The following LIME1 variants were observed in gnomAD, a reference collection of about 807,000 sequenced individuals.
The protein encoded by LIME1 is lck-interacting transmembrane adapter 1.
A neutral mutation model predicts 18.8 loss-of-function variants in LIME1; 23 were observed. The ratio of observed to expected loss-of-function variants is 1.22; its 90% CI spans 0.88 to 1.73. The LOEUF is 1.73. LIME1 is among the 40% of genes most tolerant of loss of function. LIME1 has a pLI of 0.00. For missense variants in LIME1, 423 were observed against 396.8 expected, an observed-to-expected ratio of 1.07 and a Z score of -0.56; for synonymous variants, 177 against 182.3, an observed-to-expected ratio of 0.97 and a Z score of 0.23.
Position 63,738,020 on chromosome 20 carries a change from C to T in LIME1, c.228C>T (p.Thr76=). 1 of 1,566,056 alleles carries T rather than the reference C, an allele frequency of 6.4e-7. No individual in the cohort carries two copies. Among genetic ancestry groups the T allele is most frequent in the Non-Finnish European group, 8.6e-7 (1 of 1,160,268 alleles). Residue 76 remains threonine (T), a synonymous_variant, in exon 4 of 6, where the codon ACC becomes ACT. Transcript: ENST00000309546. ...TCTGCTCCCTCAGCAAGTCGGACACCAGACTGCACGAGCTGCACCGGGGCC... is the reference window on the plus strand; with the variant it reads ...TCTGCTCCCTCAGCAAGTCGGACACTAGACTGCACGAGCTGCACCGGGGCC... The part of the protein sequence containing the change: ...THLCSLSKSD[T]RLHELHRGPR...
At position 63,738,612 on chromosome 20, in the gene LIME1, C is replaced by T; in HGVS notation, c.600C>T (p.Tyr200=). 1 of 1,571,286 alleles carries T rather than the reference C, an allele frequency of 6.4e-7. No individual in the cohort carries two copies. The highest frequency in any genetic ancestry group is 8.6e-7 in the Non-Finnish European group (1 of 1,158,928). Residue 200 remains tyrosine (Y), a synonymous_variant, in exon 6 of 6, where the codon TAC becomes TAT. Coordinates refer to ENST00000309546, the MANE Select transcript of LIME1 (RefSeq NM_017806.4). ...VTPAAQVDVL[Y]SRVCKPKRRD... ...CCTGTCTCCAGGTGGACGTCCTGTA[C>T]TCCAGGGTCTGCAAGCCTAAAAGGA...
Position 63,738,519 on chromosome 20 carries a change from G to C in LIME1, c.585+20G>C. 1 of 1,509,578 alleles carries C rather than the reference G, an allele frequency of 6.6e-7. No homozygotes were observed. The highest frequency in any genetic ancestry group is 1.4e-5 in the African/African-American group (1 of 71,988). 93.5% of individuals were successfully genotyped at this position (1,509,578 alleles called of 1,614,324 possible). On this transcript the variant is annotated intron_variant, in intron 5 of 5. Coordinates refer to ENST00000309546, the MANE Select transcript of LIME1 (RefSeq NM_017806.4). ...GCTCAGGTAACGTGGGCCAGGGTAG[G>C]GCGCTGTGGGTGGGGCCGGCAGATC... is the stretch of plus-strand genomic sequence containing the variant.
chr20:63,735,799 C>T, upstream of LIME1: 1 of 1,608,982 alleles, frequency 6.2e-7, no homozygotes, highest in Non-Finnish European at 8.5e-7. Context: ...TGGCGTCAGC[C>T]CAGCTGCAGG....
intron 2 of LIME1, 32 bp downstream of exon 2, chr20:63,737,679 C>T (rs2092006811): frequency 1.3e-6 from 2 of 1,515,546 alleles, no homozygotes; most frequent in Non-Finnish European, 1.8e-6. Flanking sequence ...TGTCTGGGGC[C>T]TCGCTGCGGC....
At chr20:63,737,435 G>A (rs1032201003) in intron 1 of LIME1, 98 bp from the exon 2 acceptor site, 8 of 1,381,962 alleles carry the variant, frequency 5.8e-6, no homozygotes, top group Non-Finnish European at 7.5e-6. Context: ...AACGGGAGAC[G>A]CAGGAGCCCC....
intron 1 of LIME1, 177 bp from the exon 2 acceptor site, chr20:63,737,356 A>G: frequency 7.6e-7 from 1 of 1,320,988 alleles, no homozygotes; most frequent in Non-Finnish European, 9.6e-7. Context: ...AGCCCCCGCC[A>G]GAAGGTGGGC....
upstream of LIME1, chr20:63,735,909 C>T (rs2091985734): frequency 6.2e-7 from 1 of 1,612,258 alleles, no homozygotes; most frequent in African/African-American, 1.3e-5. Flanking sequence ...AAGAAGATGA[C>T]TGAGTTCTAG....
At chr20:63,736,025 A>G (rs2427535), upstream of LIME1, 1,382,390 of 1,491,342 alleles carry the variant, frequency 0.93, 641,039 homozygotes, top group East Asian at 0.99. Flanking sequence ...TGGGGCGTGC[A>G]GACACTGCTG....
chr20:63,738,984 A>G lies in LIME1; in HGVS notation c.*84A>G. On this transcript the variant is annotated 3_prime_UTR_variant, in exon 6 of 6. Coordinates refer to ENST00000309546, the MANE Select transcript of LIME1 (RefSeq NM_017806.4). ...CCTCACAGCTGACAGCGCCAGTCCC[A>G]GGTCCCCGGGCTGCCAGCCCGTGAG... 1 of 1,319,300 alleles carries G rather than the reference A, an allele frequency of 7.6e-7. No homozygotes were observed. Among genetic ancestry groups the G allele is most frequent in the Non-Finnish European group, 1.0e-6 (1 of 984,836 alleles). 81.7% of individuals were successfully genotyped at this position (1,319,300 alleles called of 1,614,324 possible).
At chr20:63,736,900 A>C (rs1288391496) in intron 1 of LIME1, 188 bp downstream of exon 1, 1 of 985,536 alleles carries the variant, frequency 1.0e-6, no homozygotes, top group Admixed American at 6.2e-5. Context: ...GGCATCCCCC[A>C]CCCCGAGAAG....
Position 63,737,819 on chromosome 20 carries a change from A to AG in LIME1, c.99dup, listed in dbSNP as rs779444037. 6.0e-6 allele frequency: 8 copies of AG among 1,343,020 alleles called. No homozygotes were observed. The South Asian group carries it at 9.2e-5, about 16-fold the overall frequency. 83.2% of individuals were successfully genotyped at this position (1,343,020 alleles called of 1,614,324 possible). A position where few individuals can be genotyped will look rare whatever the true frequency, so the allele number is the denominator to read the frequency against. On this transcript the variant is annotated splice_acceptor_variant, in intron 2 of 5. Transcript: ENST00000309546. LOFTEE classifies it high-confidence loss of function. Reference sequence around the variant, plus strand: ...CCCCCGCCCCCCACCTCTACCCCCAAGGCCCGAGGACGCTGTAGCCCCCAG... The same window carrying AG: ...CCCCCGCCCCCCACCTCTACCCCCAAGGGCCCGAGGACGCTGTAGCCCCCAG...
Position 63,737,956 on chromosome 20 carries a change from G to T in LIME1, c.181-17G>T. On this transcript the variant is annotated splice_polypyrimidine_tract_variant and intron_variant, in intron 3 of 5. Transcript: ENST00000309546. ...GGTGGGGTCCGCAGGGCACCGACCA[G>T]CCTTCCTCGCCCCCAGTCCCTACTG... The T allele has an allele frequency of 6.4e-7, 1 of 1,569,492 alleles. No individual in the cohort carries two copies. The highest frequency in any genetic ancestry group is 1.2e-5 in the South Asian group (1 of 86,512).
intron 5 of LIME1, 41 bp from the exon 6 acceptor site, chr20:63,738,557 G>C: frequency 6.6e-7 from 1 of 1,519,262 alleles, no homozygotes; most frequent in Non-Finnish European, 8.8e-7. Flanking sequence ...CAGCAGGTTG[G>C]ATGGTGCTGA....
At position 63,738,178 on chromosome 20, in the gene LIME1, C is replaced by T; in HGVS notation, c.269-5C>T. ...GAGTGAACTCTGCCCTGACCCCACC[C>T]CCAGCCCTGCGGCCTGCCAGCATGG... On this transcript the variant is annotated splice_polypyrimidine_tract_variant and splice_region_variant and intron_variant, in intron 4 of 5. Transcript: ENST00000309546. 1 of 1,562,714 alleles carries T rather than the reference C, an allele frequency of 6.4e-7. No homozygotes were observed. Among genetic ancestry groups the T allele is most frequent in the Non-Finnish European group, 8.6e-7 (1 of 1,159,360 alleles).
In LIME1 at chr20:63,738,371, C is replaced by T; in HGVS notation, c.457C>T (p.Leu153Phe). 6.4e-7 allele frequency: 1 copy of T among 1,555,986 alleles called. No individual in the cohort carries two copies. Among genetic ancestry groups the T allele is most frequent in the South Asian group, 1.2e-5 (1 of 84,878 alleles). Residue 153 changes from leucine (L) to phenylalanine (F), a missense_variant, in exon 5 of 6, where the codon CTT becomes TTT. Physicochemically the swap from Leu to Phe is conservative, Grantham distance 22 (BLOSUM62 0). Coordinates refer to ENST00000309546, the MANE Select transcript of LIME1 (RefSeq NM_017806.4). ...CTATTCCAACGTGGGGCTGGCGGCC[C>T]TTCCCGGGGTCAGCCTGGCGGCCAG... The part of the protein sequence containing the change: ...ATYSNVGLAA[L>F]PGVSLAASPV...
At position 63,738,032 on chromosome 20, in the gene LIME1, G is replaced by GCTGCACC. The variant is rs1429519617; in HGVS notation, c.241_247dup (p.Arg83ProfsTer109). 1 of 1,556,486 alleles carries GCTGCACC rather than the reference G, an allele frequency of 6.4e-7. No homozygotes were observed. On this transcript the variant is annotated frameshift_variant, in exon 4 of 6. Transcript: ENST00000309546. LOFTEE classifies it high-confidence loss of function. ...GCAAGTCGGACACCAGACTGCACGA[G>GCTGCACC]CTGCACCGGGGCCCGCGCAGCAGCA... is the stretch of plus-strand genomic sequence containing the variant.
chr20:63,735,826 C>T, upstream of LIME1: 1 of 1,611,914 alleles, frequency 6.2e-7, no homozygotes, highest in Non-Finnish European at 8.5e-7. Context: ...TGGCAGGAGC[C>T]CAGCGCCAGC....
chr20:63,736,105 C>T, upstream of LIME1: 2 of 799,284 alleles, frequency 2.5e-6, no homozygotes. Flanking sequence ...TGGGCATTTC[C>T]TTGGCAAGGA....
rs776072052 is a variant in LIME1, at chr20:63,738,044, C to A, written c.252C>A (p.Gly84=). 4.8e-5 allele frequency: 75 copies of A among 1,550,476 alleles called. No individual in the cohort carries two copies. Among genetic ancestry groups the A allele is most frequent in the South Asian group, 1.2e-5 (1 of 85,348 alleles). The change falls in exon 4 of 6, where the codon GGC becomes GGA. Residue 84 remains glycine, a synonymous_variant. Transcript: ENST00000309546. The part of the protein sequence containing the change: ...SDTRLHELHR[G]PRSSRALRPA... The stretch of plus-strand genomic sequence containing the variant: ...CCAGACTGCACGAGCTGCACCGGGG[C>A]CCGCGCAGCAGCAGGGGTGAGCAGA...
Sources: gnomAD v4.1 joint callset for allele counts on GRCh38, gnomAD v4.1.1 for gene constraint, MANE v1.5 for transcripts, NCBI Gene and HGNC (gene_info 2026-07-23, HGNC 2026-07-21) for gene names.